Variants in FAT4 observed in about 807,000 individuals in gnomAD.
The protein encoded by FAT4 is FAT atypical cadherin 4.
A neutral mutation model predicts 303.9 loss-of-function variants in FAT4; 84 were observed. The observed-to-expected ratio is 0.28, with a 90% CI of 0.23 to 0.33. FAT4 has a LOEUF of 0.33. Ranked by LOEUF, FAT4 falls within the 10% of genes least tolerant of loss-of-function variation. The pLI is 1.00. For synonymous variants in FAT4, 2,307 were observed against 2,298.8 expected (o/e 1.00, Z -0.10); for missense variants, 6,005 against 6,146.8 (o/e 0.98, Z 0.77).
chr4:125,368,092 G>A (rs1159099370), intron 2 of FAT4, among the ~76,000 whole-genome samples: 1 of 152,074 alleles, frequency 6.6e-6, no homozygotes, highest in Non-Finnish European at 1.5e-5. Flanking sequence ...GGAGCCATAT[G>A]AAGTACTAAG....
intron 2 of FAT4, among the ~76,000 whole-genome samples, chr4:125,377,031 A>G (rs1039947632): frequency 6.6e-6 from 1 of 152,212 alleles, no homozygotes; most frequent in Non-Finnish European, 1.5e-5. Context: ...TAAGGGAAGA[A>G]AAATCTGGCT....
chr4:125,396,819 T>C (rs1734192407), intron 2 of FAT4, among the ~76,000 whole-genome samples: 1 of 151,862 alleles, frequency 6.6e-6, no homozygotes, highest in Non-Finnish European at 1.5e-5. Context: ...TTTTTTCTTG[T>C]TTTAAGGACT....
Position 125,448,574 on chromosome 4 carries a change from G to A in FAT4, c.7564G>A (p.Gly2522Arg). The part of the protein sequence containing the change: ...SEKFHIDPLR[G>R]AIMAAGPLNG... ...AAAATTTCACATTGACCCACTGAGG[G>A]GAGCCATTATGGCCGCCGGACCACT... The change falls in exon 10 of 18, where the codon GGA becomes AGA. Residue 2522 changes from glycine (G) to arginine (R), a missense_variant. By Grantham distance (125) the Gly-to-Arg change is moderately radical (BLOSUM62 -2). Coordinates refer to ENST00000394329, the MANE Select transcript of FAT4 (RefSeq NM_001291303.3). The A allele has an allele frequency of 1.2e-6, 2 of 1,613,880 alleles. No individual in the cohort carries two copies. The highest frequency in any genetic ancestry group is 1.7e-6 in the Non-Finnish European group (2 of 1,179,886).
Position 125,398,844 on chromosome 4 carries a change from G to T in FAT4, c.5236G>T (p.Asp1746Tyr). ...ACCAGTATTTCCAACGGACATGCTG[G>T]ATCTCACGGTAGAGGAGAACATTGG... ...NPPVFPTDML[D>Y]LTVEENIGDG... The change falls in exon 3 of 18, where the codon GAT (aspartate) becomes TAT (tyrosine). Residue 1746 changes from aspartate (D) to tyrosine (Y), a missense_variant. Coordinates refer to ENST00000394329, the MANE Select transcript of FAT4 (RefSeq NM_001291303.3). 1 of 1,613,194 alleles carries T rather than the reference G, an allele frequency of 6.2e-7. No homozygotes were observed. The highest frequency in any genetic ancestry group is 8.5e-7 in the Non-Finnish European group (1 of 1,179,374).
intron 2 of FAT4, among the ~76,000 whole-genome samples, chr4:125,347,635 T>G (rs1560772070): frequency 6.6e-6 from 1 of 151,742 alleles, no homozygotes. Context: ...TAAATTACAA[T>G]TTGTAAGTGT....
Position 125,446,399 on chromosome 4 carries a change from G to A in FAT4, c.7306G>A (p.Val2436Ile), listed in dbSNP as rs1450111771. 3 of 1,613,446 alleles carry A rather than the reference G, an allele frequency of 1.9e-6. No individual in the cohort carries two copies. The highest frequency in any genetic ancestry group is 1.1e-5 in the South Asian group (1 of 91,072). ...DRETKDNYTL[V>I]VVCSDAGSPE... is the part of the protein sequence containing the mutation. ...GGAAACAAAAGATAATTATACTTTG[G>A]TAGTGGTCTGCAGTGATGCGGGATC... The change falls in exon 9 of 18, where the codon GTA becomes ATA. Residue 2436 changes from valine to isoleucine, a missense_variant. By Grantham distance (29) the Val-to-Ile change is conservative (BLOSUM62 3). Coordinates refer to ENST00000394329, the MANE Select transcript of FAT4 (RefSeq NM_001291303.3).
chr4:125,476,214 C>G lies in FAT4; in HGVS notation c.12257C>G (p.Pro4086Arg). The G allele has an allele frequency of 1.9e-6, 3 of 1,603,410 alleles. No individual in the cohort carries two copies. The highest frequency in any genetic ancestry group is 2.6e-6 in the Non-Finnish European group (3 of 1,172,946). The change falls in exon 13 of 18, where the codon CCA becomes CGA. Residue 4086 changes from proline (P) to arginine (R), a missense_variant. By Grantham distance (103) the Pro-to-Arg change is moderately radical. Coordinates refer to ENST00000394329, the MANE Select transcript of FAT4 (RefSeq NM_001291303.3). ...TVDSCSENQE[P>R]GYCTVSNVAV... ...GACTCCTGTTCTGAGAACCAAGAGC[C>G]AGGATATTGTACTGTCAGTAATGTG...
chr4:125,446,806 A>G (rs1340045237), intron 9 of FAT4, among the ~76,000 whole-genome samples: 2 of 151,938 alleles, frequency 1.3e-5, no homozygotes, highest in African/African-American at 4.8e-5. Flanking sequence ...AATATTATAA[A>G]TAATTAACAT....
Position 125,449,754 on chromosome 4 carries a change from C to A in FAT4, c.8744C>A (p.Ser2915Tyr). ...SNGQVFYFIK[S>Y]QSEYFRINAT... Reference sequence around the variant, plus strand: ...GGACAAGTGTTTTATTTCATAAAATCCCAATCAGAATATTTCAGGATTAAT... The same window carrying A: ...GGACAAGTGTTTTATTTCATAAAATACCAATCAGAATATTTCAGGATTAAT... Residue 2915 changes from serine (S) to tyrosine (Y), a missense_variant, in exon 10 of 18, where the codon TCC (serine) becomes TAC (tyrosine). Transcript: ENST00000394329. 1.9e-6 allele frequency: 3 copies of A among 1,613,652 alleles called. No individual in the cohort carries two copies. The highest frequency in any genetic ancestry group is 2.5e-6 in the Non-Finnish European group (3 of 1,179,828).
At chr4:125,392,424 T>C (rs1256900790) in intron 2 of FAT4, among the ~76,000 whole-genome samples, 1 of 151,992 alleles carries the variant, frequency 6.6e-6, no homozygotes, top group Non-Finnish European at 1.5e-5. Flanking sequence ...GTTACTATTT[T>C]ATAGTTTGTA....
chr4:125,342,066 T>C (rs1332684697), intron 2 of FAT4, among the ~76,000 whole-genome samples: 2 of 151,958 alleles, frequency 1.3e-5, no homozygotes, highest in Non-Finnish European at 2.9e-5. Flanking sequence ...TCAAATATTA[T>C]AAAATATAAA....
In FAT4 at chr4:125,318,823, G is replaced by A. The variant is rs776202236; in HGVS notation, c.2412G>A (p.Glu804=). Residue 804 remains glutamate (E), a synonymous_variant, in exon 2 of 18, where the codon GAG becomes GAA. Coordinates refer to ENST00000394329, the MANE Select transcript of FAT4 (RefSeq NM_001291303.3). ...TTGCCTACAGCTTTGTGGTTTTTGA[G>A]AACGTGGCGCTGGGATATCATGTGG... ...SQVAYSFVVF[E]NVALGYHVGS... is the part of the protein sequence containing the mutation. 12 of 1,614,074 alleles carry A rather than the reference G, an allele frequency of 7.4e-6. No individual in the cohort carries two copies. In the Admixed American group the frequency reaches 1.7e-4, roughly 22 times the overall value.
chr4:125,394,697 T>TC (rs1369032612), intron 2 of FAT4, among the ~76,000 whole-genome samples: 2 of 152,156 alleles, frequency 1.3e-5, no homozygotes, highest in Non-Finnish European at 2.9e-5. Flanking sequence ...CAAACCTTAG[T>TC]CTAAAGAAGG....
Position 125,408,474 on chromosome 4 carries a change from A to C in FAT4, c.5600A>C (p.Asp1867Ala), listed in dbSNP as rs1466575907. 1 of 1,608,318 alleles carries C rather than the reference A, an allele frequency of 6.2e-7. No homozygotes were observed. The highest frequency in any genetic ancestry group is 1.7e-5 in the Admixed American group (1 of 59,122). Residue 1867 changes from aspartate (D) to alanine (A), a missense_variant, in exon 5 of 18, where the codon GAT (aspartate) becomes GCT (alanine). By Grantham distance (126) the Asp-to-Ala change is moderately radical (BLOSUM62 -2). Transcript: ENST00000394329. ...GSLVAAILAT[D>A]DDSGVNGEIT... ...TTGGTAGCAGCCATTTTAGCCACGG[A>C]TGATGACTCTGGTGTGAATGGAGAA...
intron 7 of FAT4, among the ~76,000 whole-genome samples, chr4:125,429,190 T>C (rs1055428890): frequency 9.2e-5 from 14 of 152,184 alleles, no homozygotes; most frequent in Non-Finnish European, 1.9e-4. Flanking sequence ...TCCCAGACTA[T>C]AAAAGTATAG....
chr4:125,380,037 G>C (rs1733481495), intron 2 of FAT4, among the ~76,000 whole-genome samples: 1 of 152,070 alleles, frequency 6.6e-6, no homozygotes, highest in Non-Finnish European at 1.5e-5. Context: ...GGGATTACAG[G>C]CATATGCCAC....
chr4:125,466,176 T>C (rs1478812340), intron 11 of FAT4, among the ~76,000 whole-genome samples: 1 of 152,220 alleles, frequency 6.6e-6, no homozygotes, highest in African/African-American at 2.4e-5. Context: ...TCAGACATTA[T>C]AAAGGCGACA....
intron 3 of FAT4, among the ~76,000 whole-genome samples, chr4:125,400,216 G>C (rs531761519): frequency 4.6e-5 from 7 of 152,008 alleles, no homozygotes; most frequent in African/African-American, 1.7e-4. Context: ...TAATAATCAT[G>C]TTAATTATAA....
chr4:125,453,859 C>G (rs1726186079), intron 10 of FAT4, among the ~76,000 whole-genome samples: 1 of 152,168 alleles, frequency 6.6e-6, no homozygotes, highest in African/African-American at 2.4e-5. Context: ...TTGAACTAGT[C>G]TTTGGCACCC....
Sources: allele counts gnomAD v4.1 joint callset (sites outside exome capture counted in the v4.1 genomes callset), GRCh38; gene constraint gnomAD v4.1.1; transcripts MANE v1.5; gene names NCBI Gene and HGNC (gene_info 2026-07-23, HGNC 2026-07-21).